SYTL2: variants seen among roughly 807,000 people sequenced by gnomAD.
SYTL2 encodes the protein synaptotagmin like 2.
In SYTL2, 165 loss-of-function variants were observed where a neutral mutation model predicts 198.7. The observed-to-expected ratio is 0.83, with a 90% CI of 0.73 to 0.94. The LOEUF is 0.94. Ranked by LOEUF, SYTL2 falls within the 40% of genes least tolerant of loss-of-function variation. The probability of loss-of-function intolerance (pLI) is 0.00; values close to 1 mark genes in which losing one functional copy is unlikely to be tolerated. For missense variants in SYTL2, 2,835 were observed against 2,582.8 expected, an observed-to-expected ratio of 1.10 and a Z score of -2.12; for synonymous variants, 966 against 917.7, an observed-to-expected ratio of 1.05 and a Z score of -0.95.
the SYTL2 span, among the ~76,000 whole-genome samples, chr11:85,848,345 T>A: frequency 2.0e-5 from 3 of 152,130 alleles, no homozygotes; most frequent in Non-Finnish European, 2.9e-5. Context: ...TTTTTTTCTT[T>A]TTTGAATCAT....
chr11:85,787,322 C>A (rs998697791), intron 1 of SYTL2, among the ~76,000 whole-genome samples: 1 of 152,210 alleles, frequency 6.6e-6, no homozygotes, highest in African/African-American at 2.4e-5. Flanking sequence ...TAGATGATCA[C>A]TAAATGTTTT....
At chr11:85,787,411 G>T (rs575673310) in intron 1 of SYTL2, among the ~76,000 whole-genome samples, 1 of 152,228 alleles carries the variant, frequency 6.6e-6, no homozygotes, top group African/African-American at 2.4e-5. Flanking sequence ...TAACTTTATG[G>T]TTTTTTATAA....
At chr11:85,718,515 C>G in intron 10 of SYTL2, 1 of 409,330 alleles carries the variant, frequency 2.4e-6, no homozygotes, top group Non-Finnish European at 4.4e-6. Context: ...AATCAGCTCA[C>G]ATCCAAAGAA....
intron 1 of SYTL2, among the ~76,000 whole-genome samples, chr11:85,775,677 C>T (rs2092440297): frequency 6.6e-6 from 1 of 152,122 alleles, no homozygotes; most frequent in Admixed American, 6.6e-5. Context: ...AGACGGGTTT[C>T]ACCATGTTGA....
intron 9 of SYTL2, 27 bp from the exon 10 acceptor site, chr11:85,718,870 T>A: frequency 6.2e-7 from 1 of 1,611,778 alleles, no homozygotes; most frequent in South Asian, 1.1e-5. Flanking sequence ...AACAAATGGT[T>A]AACATGGCTG....
chr11:85,760,706 T>C (rs2092072958), intron 1 of SYTL2, among the ~76,000 whole-genome samples: 1 of 152,118 alleles, frequency 6.6e-6, no homozygotes, highest in African/African-American at 2.4e-5. Context: ...CAGTGGTAAC[T>C]GGCAGGGTTG....
the SYTL2 span, among the ~76,000 whole-genome samples, chr11:85,828,552 A>G: frequency 1.3e-5 from 2 of 152,230 alleles, no homozygotes; most frequent in African/African-American, 4.8e-5. Context: ...TTCTCTGTCT[A>G]TCTCTACCTA....
At chr11:85,704,150 A>C (rs1486837457) in intron 16 of SYTL2, among the ~76,000 whole-genome samples, 2 of 152,090 alleles carry the variant, frequency 1.3e-5, no homozygotes, top group Non-Finnish European at 2.9e-5. Context: ...TGCTTATAAA[A>C]ATATATCTGA....
the SYTL2 span, among the ~76,000 whole-genome samples, chr11:85,819,893 T>C: frequency 6.6e-6 from 1 of 152,246 alleles, no homozygotes; most frequent in Middle Eastern, 3.2e-3. Flanking sequence ...CTCTCCAAAA[T>C]GGAAGTTTCA....
At chr11:85,724,011 T>TA in intron 8 of SYTL2, 21 bp downstream of exon 8, 1 of 1,405,534 alleles carries the variant, frequency 7.1e-7, no homozygotes, top group South Asian at 1.9e-5. Context: ...CACTGTGAGT[T>TA]AAAAAATTTT....
At chr11:85,712,753 A>G (rs1405174361) in intron 12 of SYTL2, among the ~76,000 whole-genome samples, 3 of 151,438 alleles carry the variant, frequency 2.0e-5, no homozygotes, top group Non-Finnish European at 4.4e-5. Flanking sequence ...GTCTCACTCT[A>G]TCGCCTAGGC....
intron 1 of SYTL2, among the ~76,000 whole-genome samples, chr11:85,798,727 G>A (rs926784678): frequency 6.6e-6 from 1 of 152,206 alleles, no homozygotes; most frequent in Admixed American, 6.5e-5. Context: ...GGACACACAA[G>A]TTGTGACAAT....
chr11:85,826,983 G>C, the SYTL2 span, among the ~76,000 whole-genome samples: 21 of 152,206 alleles, frequency 1.4e-4, no homozygotes, highest in Non-Finnish European at 2.8e-4. Context: ...AGTCAGGAAT[G>C]GGCTCCTCCT....
intron 1 of SYTL2, among the ~76,000 whole-genome samples, chr11:85,785,594 T>C (rs531893443): frequency 2.0e-4 from 31 of 152,330 alleles, no homozygotes; most frequent in African/African-American, 7.0e-4. Context: ...CATCATGAAA[T>C]CTTACAGAAA....
intron 4 of SYTL2, among the ~76,000 whole-genome samples, chr11:85,745,427 A>T (rs1246389426): frequency 1.3e-5 from 2 of 152,186 alleles, no homozygotes; most frequent in Non-Finnish European, 2.9e-5. Flanking sequence ...TTTATTTAAG[A>T]TATAGATTTG....
chr11:85,776,280 T>C (rs1341617591), intron 1 of SYTL2, among the ~76,000 whole-genome samples: 1 of 152,202 alleles, frequency 6.6e-6, no homozygotes, highest in East Asian at 1.9e-4. Flanking sequence ...ATTATTAAGT[T>C]CTGGATTACA....
rs570191836 is a variant in SYTL2 at position 85,696,200 on chromosome 11, C to T, written c.6557G>A (p.Arg2186His). Residue 2186 changes from arginine to histidine, a missense_variant, in exon 19 of 20, where the codon CGT becomes CAT. Around this residue, in one of 3 missense-constraint regions of SYTL2, gnomAD observed 185 missense variants for 182.1 expected, o/e 1.02. Coordinates refer to ENST00000359152, the MANE Select transcript of SYTL2 (RefSeq NM_206927.4). ...KLTNQFLGGL[R>H]IGFGTGKSYG... ...AACAGTACCTGTTCCAAAGCCAATA[C>T]GAAGACCTCCCAAAAATTGGTTGGT... is the stretch of plus-strand genomic sequence containing the variant. 106 of 1,613,958 alleles carry T rather than the reference C, an allele frequency of 6.6e-5. No homozygotes were observed. Among genetic ancestry groups the T allele is most frequent in the Middle Eastern group, 1.6e-4 (1 of 6,084 alleles).
At chr11:85,852,988 C>G in the SYTL2 span, 48 of 324,188 alleles carry the variant, frequency 1.5e-4, no homozygotes, top group Non-Finnish European at 2.6e-4. Flanking sequence ...CCAGCAGCCG[C>G]CCCGTCTGAG....
chr11:85,759,726 T>C (rs2092038115), intron 1 of SYTL2, among the ~76,000 whole-genome samples: 1 of 152,008 alleles, frequency 6.6e-6, no homozygotes, highest in Admixed American at 6.6e-5. Context: ...GCTCTCTGCA[T>C]ACTGTCCACA....
Sources: allele counts gnomAD v4.1 joint callset (sites outside exome capture counted in the v4.1 genomes callset), GRCh38; gene constraint gnomAD v4.1.1; regional missense constraint gnomAD v4.1.1; transcripts MANE v1.5; gene names NCBI Gene and HGNC (gene_info 2026-07-23, HGNC 2026-07-21).